Variants in TPRA1 observed in about 807,000 individuals in gnomAD.
TPRA1 encodes transmembrane protein adipocyte associated 1, also known as transmembrane protein adipocyte-associated 1.
A neutral mutation model predicts 40.1 loss-of-function variants in TPRA1; 28 were observed. That is an observed-to-expected ratio of 0.70 (90% CI 0.52 to 0.96). The LOEUF is 0.96. TPRA1 is among the 40% of genes least tolerant of loss of function. The pLI is 0.00. For missense variants in TPRA1, 441 were observed against 482.6 expected (o/e 0.91, Z 0.81); for synonymous variants, 219 against 209.7 (o/e 1.04, Z -0.38).
In TPRA1 at chr3:127,597,999, G is replaced by C. The variant is rs17538391; in HGVS notation, c.-391+8C>G. 2.1e-3 allele frequency: 448 copies of C among 216,476 alleles called. 2 individuals carry two copies. Among genetic ancestry groups the C allele is most frequent in the African/African-American group, 9.8e-3 (411 of 41,852 alleles). 13.4% of individuals were successfully genotyped at this position (216,476 alleles called of 1,614,324 possible). A position where few individuals can be genotyped will look rare whatever the true frequency, so the allele number is the denominator to read the frequency against. ...ATTTTTGTATTTTTAGTAAAGACTG[G>C]GTTTCACCATGTTAGTCAGGCTGGT... is the stretch of plus-strand genomic sequence containing the variant. On this transcript the variant is annotated splice_region_variant and intron_variant, in intron 1 of 3. Coordinates refer to the TPRA1 transcript ENST00000462228.
At chr3:127,589,167 C>T (rs2074090233) in intron 1 of TPRA1, among the ~76,000 whole-genome samples, 1 of 152,162 alleles carries the variant, frequency 6.6e-6, no homozygotes, top group Admixed American at 6.5e-5. Context: ...GCCTCCCTCC[C>T]TCCCACCCAG....
chr3:127,598,057 C>G (rs1177652965), exon 1 of TPRA1: 3 of 293,962 alleles, frequency 1.0e-5, no homozygotes, highest in Non-Finnish European at 2.0e-5. Flanking sequence ...CCGCCCACCT[C>G]GGCTTCCCAA....
rs1485736616 is a variant in TPRA1 at position 127,576,669 on chromosome 3, T to C, written c.446A>G (p.Lys149Arg). The C allele has an allele frequency of 2.5e-6, 4 of 1,611,168 alleles. No homozygotes were observed. The highest frequency in any genetic ancestry group is 1.1e-5 in the South Asian group (1 of 90,520). Residue 149 changes from lysine (K) to arginine (R), a missense_variant, in exon 6 of 11, where the codon AAG becomes AGG. Transcript: ENST00000355552. The surrounding 1 kb of genome is among the most constrained non-coding windows in gnomAD (Gnocchi z 4.6). ...CACTGTGGTGATGGCCAGCACCCGC[T>C]TGATGCTGGACTTACTCTCCAGGTG... ...FGHLESKSSI[K>R]RVLAITTVLS...
intron 2 of TPRA1, 66 bp downstream of exon 2, chr3:127,579,956 C>T: frequency 6.2e-7 from 1 of 1,609,214 alleles, no homozygotes; most frequent in South Asian, 1.1e-5. Flanking sequence ...CCACCCTCAC[C>T]ACCCCCCTAC....
intron 10 of TPRA1, chr3:127,574,868 G>T (rs2107619881): frequency 2.3e-6 from 1 of 430,240 alleles, no homozygotes; most frequent in South Asian, 2.2e-5. Context: ...ATGCATGTGG[G>T]TGTGCACGTG....
At chr3:127,593,786 T>C (rs2074215049), upstream of TPRA1, among the ~76,000 whole-genome samples, 1 of 152,214 alleles carries the variant, frequency 6.6e-6, no homozygotes. Context: ...GCTGTGCAGG[T>C]GCATTGCTAG....
At chr3:127,579,598 A>ACTT in intron 3 of TPRA1, 142 bp downstream of exon 3, 1 of 990,678 alleles carries the variant, frequency 1.0e-6, no homozygotes, top group Non-Finnish European at 1.5e-6. Context: ...GAGATCAGAG[A>ACTT]TGCAGAAACA....
intron 1 of TPRA1, among the ~76,000 whole-genome samples, chr3:127,584,447 T>TAAAAAAAAAA (rs1163065087): frequency 3.4e-4 from 7 of 20,862 alleles, no homozygotes; most frequent in South Asian, 2.7e-3. Context: ...AGACCCTGTC[T>TAAAAAAAAAA]AAAAAAAAAA....
intron 1 of TPRA1, among the ~76,000 whole-genome samples, chr3:127,582,411 C>T (rs1341290003): frequency 6.6e-6 from 1 of 151,604 alleles, no homozygotes; most frequent in African/African-American, 2.4e-5. Context: ...ACAAAAAATA[C>T]AAAAATTGGC....
At chr3:127,580,343 G>C in intron 1 of TPRA1, 180 bp from the exon 2 acceptor site, 1 of 644,004 alleles carries the variant, frequency 1.6e-6, no homozygotes, top group South Asian at 2.2e-5. Context: ...AATCCCCCAG[G>C]CAGGGGCCCA....
chr3:127,580,087 CA>C lies in TPRA1; in HGVS notation c.59del (p.Leu20ArgfsTer83). The C allele has an allele frequency of 3.1e-6, 5 of 1,613,904 alleles. No homozygotes were observed. Among genetic ancestry groups the C allele is most frequent in the South Asian group, 1.1e-5 (1 of 91,084 alleles). ...ANGSTALPPP[L>X]APNISVPHRC... ...GATGAGGCACACTGATGTTTGGTGC[CA>C]GGGGTGGGGGTAGCGCTGTGCTCCC... On this transcript the variant is annotated frameshift_variant, in exon 2 of 11. Coordinates refer to ENST00000355552, the MANE Select transcript of TPRA1 (RefSeq NM_001136053.4). LOFTEE classifies it high-confidence loss of function.
Position 127,575,924 on chromosome 3 carries a change from C to A in TPRA1, c.609+16G>T. ...TAAGGCCCCAGCCACCCCAGCTGCC[C>A]CAGCCTGAACCTCACCAGGAAGAAG... is the stretch of plus-strand genomic sequence containing the variant. On this transcript the variant is annotated intron_variant, in intron 7 of 10. Transcript: ENST00000355552. The A allele has an allele frequency of 6.2e-7, 1 of 1,613,694 alleles. No individual in the cohort carries two copies. The highest frequency in any genetic ancestry group is 8.5e-7 in the Non-Finnish European group (1 of 1,179,760).
chr3:127,591,103 C>T (rs1037672490), upstream of TPRA1: 1 of 152,198 alleles, frequency 6.6e-6, no homozygotes, highest in Non-Finnish European at 1.5e-5. Context: ...GCCGGACCGT[C>T]GGGGCGGAGC....
intron 10 of TPRA1, 157 bp downstream of exon 10, chr3:127,575,028 G>GT (rs1259103667): frequency 8.0e-6 from 6 of 748,648 alleles, no homozygotes; most frequent in Middle Eastern, 3.5e-4. Context: ...ATGTGCATGT[G>GT]TATCTGTATG....
chr3:127,588,691 G>A (rs1294520628), intron 1 of TPRA1, among the ~76,000 whole-genome samples: 3 of 152,106 alleles, frequency 2.0e-5, no homozygotes, highest in African/African-American at 4.8e-5. Flanking sequence ...AAAGTGCTAC[G>A]ATTACAGGCA....
At chr3:127,589,232 G>C (rs183009917) in intron 1 of TPRA1, among the ~76,000 whole-genome samples, 3 of 142,046 alleles carry the variant, frequency 2.1e-5, no homozygotes, top group Non-Finnish European at 4.7e-5. Flanking sequence ...TGCAGGACCC[G>C]CTGAGAACGA....
rs2073603292 is a variant in TPRA1, at chr3:127,575,929, C to T, written c.609+11G>A. On this transcript the variant is annotated intron_variant, in intron 7 of 10. Transcript: ENST00000355552. The stretch of plus-strand genomic sequence containing the variant: ...CCCCAGCCACCCCAGCTGCCCCAGC[C>T]TGAACCTCACCAGGAAGAAGAAGCA... 1 of 1,613,918 alleles carries T rather than the reference C, an allele frequency of 6.2e-7. No individual in the cohort carries two copies. Among genetic ancestry groups the T allele is most frequent in the Admixed American group, 1.7e-5 (1 of 60,036 alleles).
At chr3:127,596,465 C>T (rs574281119) in intron 1 of TPRA1, among the ~76,000 whole-genome samples, 1 of 152,312 alleles carries the variant, frequency 6.6e-6, no homozygotes, top group South Asian at 2.1e-4. Flanking sequence ...TCCTAGCATC[C>T]GAGGTGCATC....
In TPRA1 at chr3:127,573,751, C is replaced by A. The variant is rs2073465085; in HGVS notation, c.892G>T (p.Val298Leu). 1.3e-6 allele frequency: 2 copies of A among 1,588,090 alleles called. No homozygotes were observed. The highest frequency in any genetic ancestry group is 8.6e-7 in the Non-Finnish European group (1 of 1,161,548). The change falls in exon 11 of 11, where the codon GTG (valine) becomes TTG (leucine). Residue 298 changes from valine to leucine, a missense_variant. Coordinates refer to ENST00000355552, the MANE Select transcript of TPRA1 (RefSeq NM_001136053.4). ...ACATCTGGCTCCTCTGTCTCGTCCACTTGGCATTTGTAGGAGAAGAGGATC... is the reference window on the plus strand; with the variant it reads ...ACATCTGGCTCCTCTGTCTCGTCCAATTGGCATTTGTAGGAGAAGAGGATC... ...PKILFSYKCQ[V>L]DETEEPDVHL... is the part of the protein sequence containing the mutation.
Sources: allele counts gnomAD v4.1 joint callset (sites outside exome capture counted in the v4.1 genomes callset), GRCh38; gene constraint gnomAD v4.1.1; non-coding constraint Gnocchi (gnomAD v3.1); transcripts MANE v1.5; gene names NCBI Gene and HGNC (gene_info 2026-07-23, HGNC 2026-07-21).